Variants in MEGF6 observed in about 807,000 individuals in gnomAD.
MEGF6 encodes the protein multiple EGF like domains 6, also known as multiple epidermal growth factor-like domains protein 6.
In MEGF6, 184 loss-of-function variants were observed where a neutral mutation model predicts 207.1. The ratio of observed to expected loss-of-function variants is 0.89; its 90% CI spans 0.79 to 1.00. The LOEUF (loss-of-function observed/expected upper bound fraction) is 1.00. Ranked by LOEUF, MEGF6 falls within the 50% of genes least tolerant of loss-of-function variation. The pLI, the probability that MEGF6 is intolerant of heterozygous loss-of-function variation, is 0.00. For synonymous variants in MEGF6, 1,038 were observed against 910.0 expected, an observed-to-expected ratio of 1.14 and a Z score of -2.53; for missense variants, 2,282 against 2,202.9, an observed-to-expected ratio of 1.04 and a Z score of -0.72.
At chr1:3,497,386 G>A in intron 26 of MEGF6, 25 bp from the exon 27 acceptor site, 1 of 1,511,832 alleles carries the variant, frequency 6.6e-7, no homozygotes, top group Non-Finnish European at 8.8e-7. Context: ...GGGCTGCGGA[G>A]GCTTCTAGGA....
Position 3,488,985 on chromosome 1 carries a change from G to A in MEGF6, c.*1543C>T, listed in dbSNP as rs999082674. Among the ~76,000 whole-genome samples, 9 of 152,240 alleles carry A rather than the reference G, an allele frequency of 5.9e-5. No homozygotes were observed. The highest frequency in any genetic ancestry group is 2.1e-4 in the South Asian group (1 of 4,820). ...CATTTCCATTCATCTATCTCTGTACGTTGTCTCTCTTTACGCCTCCCTGCT... is the reference window on the plus strand; with the variant it reads ...CATTTCCATTCATCTATCTCTGTACATTGTCTCTCTTTACGCCTCCCTGCT... On this transcript the variant is annotated 3_prime_UTR_variant, in exon 37 of 37. Transcript: ENST00000356575.
Position 3,488,401 on chromosome 1 carries a change from T to A in MEGF6, c.*2127A>T, listed in dbSNP as rs947893959. On this transcript the variant is annotated 3_prime_UTR_variant, in exon 37 of 37. Transcript: ENST00000356575. ...ACACCCTCACACCATGCTGAGACTG[T>A]CGGGGGTTCCCATTGGGGAGTAATG... 3.3e-5 allele frequency among the ~76,000 whole-genome samples: 5 copies of A among 152,220 alleles called. No individual in the cohort carries two copies. Among genetic ancestry groups the A allele is most frequent in the Non-Finnish European group, 7.3e-5 (5 of 68,044 alleles).
the MEGF6 span, among the ~76,000 whole-genome samples, chr1:3,619,818 C>G: frequency 1.3e-5 from 2 of 152,128 alleles, no homozygotes; most frequent in African/African-American, 4.8e-5. Context: ...ATTAAGATAC[C>G]TGAAAATGTG....
chr1:3,523,432 ACCCT>A (rs1641838903), intron 5 of MEGF6, among the ~76,000 whole-genome samples: 1 of 151,108 alleles, frequency 6.6e-6, no homozygotes, highest in Non-Finnish European at 1.5e-5. Context: ...CTTCCCTCTA[ACCCT>A]CCCTCCCTGC....
intron 4 of MEGF6, among the ~76,000 whole-genome samples, chr1:3,566,156 T>A (rs1488766777): frequency 6.6e-6 from 1 of 152,208 alleles, no homozygotes; most frequent in East Asian, 1.9e-4. Context: ...ACTGTCCTGT[T>A]CTTGGCTAGC....
chr1:3,541,588 C>T (rs541461689), intron 4 of MEGF6, among the ~76,000 whole-genome samples: 15 of 152,282 alleles, frequency 9.9e-5, no homozygotes, highest in Admixed American at 7.8e-4. Flanking sequence ...CTGGGCTCCG[C>T]GGGAGAGGCA....
intron 2 of MEGF6, among the ~76,000 whole-genome samples, chr1:3,599,220 G>A (rs1348902180): frequency 2.0e-5 from 3 of 152,234 alleles, no homozygotes; most frequent in Non-Finnish European, 2.9e-5. Flanking sequence ...TGGGGAAACT[G>A]AGGCTTTGGC....
intron 1 of MEGF6, among the ~76,000 whole-genome samples, chr1:3,605,553 T>TAC (rs1553120269): frequency 1.3e-4 from 3 of 23,982 alleles, no homozygotes; most frequent in South Asian, 2.9e-3. Flanking sequence ...CATATTCTCA[T>TAC]ACACTCATAC....
At chr1:3,601,887 C>T (rs556651318) in intron 2 of MEGF6, among the ~76,000 whole-genome samples, 3 of 152,348 alleles carry the variant, frequency 2.0e-5, no homozygotes, top group South Asian at 2.1e-4. Context: ...AAGCTAGCCA[C>T]GATCTTCTCT....
rs374944808 is a variant in MEGF6, at chr1:3,558,253, G to A, written c.481+21572C>T. ...CAGTGCCACCGTCCCTGCCTCTCTC[G>A]TCCCCTCCTCTCTCTCCCACTCCAC... is the stretch of plus-strand genomic sequence containing the variant. On this transcript the variant is annotated intron_variant, in intron 4 of 36. Coordinates refer to ENST00000356575, the MANE Select transcript of MEGF6 (RefSeq NM_001409.4). 2.3e-4 allele frequency among the ~76,000 whole-genome samples: 35 copies of A among 152,142 alleles called. No homozygotes were observed. The South Asian group carries it at 5.6e-3, about 24-fold the overall frequency.
chr1:3,499,074 G>A, intron 24 of MEGF6, 64 bp downstream of exon 24: 2 of 1,571,168 alleles, frequency 1.3e-6, no homozygotes, highest in African/African-American at 1.3e-5. Flanking sequence ...TGTGGGCCCT[G>A]CAAGAGGCCA....
chr1:3,593,891 T>C (rs1644019019), intron 3 of MEGF6, among the ~76,000 whole-genome samples: 1 of 152,122 alleles, frequency 6.6e-6, no homozygotes, highest in Non-Finnish European at 1.5e-5. Context: ...CTCTCCTCCC[T>C]TCCTGGAGAG....
chr1:3,591,746 A>C (rs75077922), intron 3 of MEGF6, among the ~76,000 whole-genome samples: 3 of 101,134 alleles, frequency 3.0e-5, no homozygotes, highest in Non-Finnish European at 4.0e-5. Flanking sequence ...GGGCGCCGGC[A>C]AGGGGGCTGT....
chr1:3,578,909 G>A (rs965155198), intron 4 of MEGF6, among the ~76,000 whole-genome samples: 3 of 151,134 alleles, frequency 2.0e-5, no homozygotes, highest in African/African-American at 2.5e-5. Context: ...CCAGCGCAAC[G>A]TGGAGTGGGC....
rs898374237 is a variant in MEGF6, at chr1:3,497,090, A to G, written c.3511T>C (p.Cys1171Arg). 2 of 1,572,788 alleles carry G rather than the reference A, an allele frequency of 1.3e-6. No homozygotes were observed. Among genetic ancestry groups the G allele is most frequent in the Non-Finnish European group, 1.7e-6 (2 of 1,158,956 alleles). ...ACPPGSFGED[C>R]AQMCQCPGEN... ...CCGGGACACTGGCACATCTGCGCACAGTCCTCCCCAAAGCTGCCGGGTGGG... is the reference window on the plus strand; with the variant it reads ...CCGGGACACTGGCACATCTGCGCACGGTCCTCCCCAAAGCTGCCGGGTGGG... The change falls in exon 28 of 37, where the codon TGT becomes CGT. Residue 1171 changes from cysteine (C) to arginine (R), a missense_variant. Cys to Arg is a radical substitution (Grantham distance 180). Coordinates refer to ENST00000356575, the MANE Select transcript of MEGF6 (RefSeq NM_001409.4).
intron 4 of MEGF6, among the ~76,000 whole-genome samples, chr1:3,568,594 C>T (rs891615931): frequency 1.3e-5 from 2 of 152,262 alleles, no homozygotes; most frequent in East Asian, 3.9e-4. Context: ...AATGCAAGGA[C>T]ACCCACAAAC....
chr1:3,508,674 G>T lies in MEGF6; in HGVS notation c.1544C>A (p.Ser515Tyr). The change falls in exon 13 of 37, where the codon TCC becomes TAC. Residue 515 changes from serine (S) to tyrosine (Y), a missense_variant. Transcript: ENST00000356575. ...LTEKFVCLDD[S>Y]FGHDCSLTCD... ...GGTCAAGCTGCAGTCATGGCCAAAG[G>T]AGTCATCCAGGCAGACTGGGGGCAG... 1 of 1,613,328 alleles carries T rather than the reference G, an allele frequency of 6.2e-7. No homozygotes were observed. Among genetic ancestry groups the T allele is most frequent in the Admixed American group, 1.7e-5 (1 of 60,014 alleles).
intron 3 of MEGF6, among the ~76,000 whole-genome samples, chr1:3,590,502 G>A (rs773369486): frequency 5.9e-5 from 9 of 152,230 alleles, no homozygotes; most frequent in South Asian, 2.1e-4. Context: ...CCACCGCCCC[G>A]CCCGGCACTA....
intron 35 of MEGF6, among the ~76,000 whole-genome samples, chr1:3,491,877 G>C (rs768530204): frequency 1.9e-4 from 29 of 151,772 alleles, no homozygotes; most frequent in Non-Finnish European, 3.8e-4. Flanking sequence ...GACAGCCTCA[G>C]GGTCCTGAAG....
Sources: gnomAD v4.1 joint callset for allele counts (sites outside exome capture counted in the v4.1 genomes callset) on GRCh38, gnomAD v4.1.1 for gene constraint, MANE v1.5 for transcripts, NCBI Gene and HGNC (gene_info 2026-07-23, HGNC 2026-07-21) for gene names.